TBC1D4: variants seen among roughly 807,000 people sequenced by gnomAD.
TBC1D4 encodes the protein TBC1 domain family member 4.
Under a neutral mutation model 142.5 loss-of-function variants are expected in TBC1D4, and 121 were observed. The observed-to-expected ratio is 0.85, with a 90% CI of 0.73 to 0.99. The LOEUF (loss-of-function observed/expected upper bound fraction) is 0.99, where lower values mean the gene tolerates loss of function less well. TBC1D4 is among the 50% of genes least tolerant of loss of function. The pLI is 0.00. For synonymous variants in TBC1D4, 630 were observed against 628.2 expected (o/e 1.00, Z -0.04); for missense variants, 1,475 against 1,606.6 (o/e 0.92, Z 1.40).
intron 8 of TBC1D4, among the ~76,000 whole-genome samples, chr13:75,329,232 G>T (rs8002811): frequency 0.78 from 118,374 of 151,894 alleles, 48,053 homozygotes; most frequent in South Asian, 0.95. Flanking sequence ...GCAGCTGAGC[G>T]ACATATTTTA....
At position 75,324,213 on chromosome 13, in the gene TBC1D4, GCAAA is replaced by G. The variant is rs1566378519; in HGVS notation, c.2198+20_2198+23del. 1 of 1,613,330 alleles carries G rather than the reference GCAAA, an allele frequency of 6.2e-7. No homozygotes were observed. Among genetic ancestry groups the G allele is most frequent in the Non-Finnish European group, 8.5e-7 (1 of 1,179,452 alleles). On this transcript the variant is annotated intron_variant, in intron 11 of 20. Coordinates refer to ENST00000377636, the MANE Select transcript of TBC1D4 (RefSeq NM_014832.5). ...ATATCACTGCAGAAAATTTTGCTTT[GCAAA>G]CAGAGGACACTGATCTCACCTGATT...
At chr13:75,363,987 G>C (rs888652744) in intron 1 of TBC1D4, among the ~76,000 whole-genome samples, 5 of 152,170 alleles carry the variant, frequency 3.3e-5, no homozygotes, top group Non-Finnish European at 7.3e-5. Context: ...GCTACAGCTT[G>C]GTTTTCTACA....
intron 1 of TBC1D4, among the ~76,000 whole-genome samples, chr13:75,470,380 C>T (rs1888349928): frequency 6.6e-6 from 1 of 152,100 alleles, no homozygotes; most frequent in African/African-American, 2.4e-5. Flanking sequence ...GTGTGGGCAC[C>T]AGACTGGCAG....
chr13:75,471,413 C>T (rs1294133661), intron 1 of TBC1D4, among the ~76,000 whole-genome samples: 2 of 152,232 alleles, frequency 1.3e-5, no homozygotes, highest in African/African-American at 2.4e-5. Context: ...TACACCACCA[C>T]CTGTTTTCAT....
At position 75,340,505 on chromosome 13, in the gene TBC1D4, A is replaced by G. The variant is rs189817255; in HGVS notation, c.1611+620T>C. On this transcript the variant is annotated intron_variant, in intron 7 of 20. Transcript: ENST00000377636. ...TGTTCATATGAATTGGAAATAAAAT[A>G]ATAGATTAATATAACTAAAAATAAT... Among the ~76,000 whole-genome samples the G allele has an allele frequency of 8.9e-4, 136 of 152,364 alleles. 2 individuals carry two copies. The highest frequency in any genetic ancestry group is 1.3e-4 in the Non-Finnish European group (9 of 68,038).
At chr13:75,396,352 A>C (rs564433292) in intron 1 of TBC1D4, among the ~76,000 whole-genome samples, 1 of 152,344 alleles carries the variant, frequency 6.6e-6, no homozygotes, top group African/African-American at 2.4e-5. Context: ...CCACTAGCCA[A>C]AGGCCTAAAA....
At chr13:75,428,425 T>C (rs1333005476) in intron 1 of TBC1D4, among the ~76,000 whole-genome samples, 1 of 152,224 alleles carries the variant, frequency 6.6e-6, no homozygotes. Context: ...TTGTTAGTCA[T>C]ATTTGGATTA....
intron 1 of TBC1D4, among the ~76,000 whole-genome samples, chr13:75,388,795 T>C (rs1424105185): frequency 6.6e-6 from 1 of 152,198 alleles, no homozygotes; most frequent in Non-Finnish European, 1.5e-5. Context: ...CTTCCACATG[T>C]CCACAGTAAT....
At chr13:75,322,254 T>A (rs573963474) in intron 11 of TBC1D4, among the ~76,000 whole-genome samples, 1 of 152,332 alleles carries the variant, frequency 6.6e-6, no homozygotes, top group South Asian at 2.1e-4. Context: ...CTCTGATTTT[T>A]AGAATTGCAC....
chr13:75,296,901 T>A (rs1875986004), intron 17 of TBC1D4, among the ~76,000 whole-genome samples: 1 of 152,154 alleles, frequency 6.6e-6, no homozygotes, highest in South Asian at 2.1e-4. Context: ...ATAAGGTAAC[T>A]GAAGCCTGGA....
At chr13:75,474,324 C>G (rs1258194155) in intron 1 of TBC1D4, among the ~76,000 whole-genome samples, 1 of 152,212 alleles carries the variant, frequency 6.6e-6, no homozygotes, top group Non-Finnish European at 1.5e-5. Flanking sequence ...CTTTGGGAGG[C>G]CTATGCGGGC....
At chr13:75,404,074 A>C (rs1432169981) in intron 1 of TBC1D4, among the ~76,000 whole-genome samples, 1 of 152,018 alleles carries the variant, frequency 6.6e-6, no homozygotes, top group East Asian at 1.9e-4. Context: ...ACACACACAC[A>C]CACACACACA....
chr13:75,362,534 T>C lies in TBC1D4; in HGVS notation c.572A>G (p.Asp191Gly). 1 of 1,614,246 alleles carries C rather than the reference T, an allele frequency of 6.2e-7. No homozygotes were observed. Among genetic ancestry groups the C allele is most frequent in the Non-Finnish European group, 8.5e-7 (1 of 1,180,042 alleles). The change falls in exon 2 of 21, where the codon GAT becomes GGT. Residue 191 changes from aspartate (D) to glycine (G), a missense_variant. Physicochemically the swap from Asp to Gly is moderately conservative, Grantham distance 94 (BLOSUM62 -1). This residue lies in a region of TBC1D4 where 1,227 missense variants were observed against 1,267.7 expected (regional missense o/e 0.97). Coordinates refer to ENST00000377636, the MANE Select transcript of TBC1D4 (RefSeq NM_014832.5). This position sits in a 1 kb window ranked among gnomAD's most constrained non-coding sequence, Gnocchi z 4.2. ...AMKEDAKPSK[D>G]NEDAFYNSQK... ...AGAGTTGTAAAAGGCGTCCTCATTA[T>C]CTTTGCTGGGTTTGGCATCCTCTTT...
chr13:75,313,867 A>T (rs1878029009), intron 12 of TBC1D4, among the ~76,000 whole-genome samples: 2 of 152,210 alleles, frequency 1.3e-5, no homozygotes, highest in Non-Finnish European at 2.9e-5. Flanking sequence ...AGTACTTGTT[A>T]GAGACTGTTA....
intron 1 of TBC1D4, among the ~76,000 whole-genome samples, chr13:75,411,521 T>C (rs1330971753): frequency 1.3e-5 from 2 of 152,096 alleles, no homozygotes; most frequent in Non-Finnish European, 2.9e-5. Context: ...AACTACGGGA[T>C]GCACACAGAG....
Position 75,481,448 on chromosome 13 carries a change from G to A in TBC1D4, c.320C>T (p.Pro107Leu), listed in dbSNP as rs375044820. Residue 107 changes from proline to leucine, a missense_variant, in exon 1 of 21, where the codon CCG (proline) becomes CTG (leucine). By Grantham distance (98) the Pro-to-Leu change is moderately conservative. Around this residue, in one of 2 missense-constraint regions of TBC1D4, gnomAD observed 1,227 missense variants for 1,267.7 expected, o/e 0.97. Transcript: ENST00000377636. ...PGAGASGGTSPSATQPNPAVF... is the reference protein window; with the variant it reads ...PGAGASGGTSLSATQPNPAVF... The stretch of plus-strand genomic sequence containing the variant: ...CGCCGGGTTGGGCTGCGTGGCCGAC[G>A]GACTAGTGCCCCCCGAGGCCCCAGC... 1.1e-5 allele frequency: 18 copies of A among 1,613,788 alleles called. No homozygotes were observed. Among genetic ancestry groups the A allele is most frequent in the Middle Eastern group, 1.6e-4 (1 of 6,062 alleles).
chr13:75,420,928 G>C (rs1028348230), intron 1 of TBC1D4, among the ~76,000 whole-genome samples: 9 of 152,100 alleles, frequency 5.9e-5, no homozygotes, highest in African/African-American at 2.2e-4. Context: ...AAAAGACCAA[G>C]CAGTTATAAA....
At chr13:75,374,429 G>A (rs1883387691) in intron 1 of TBC1D4, among the ~76,000 whole-genome samples, 1 of 152,040 alleles carries the variant, frequency 6.6e-6, no homozygotes, top group Non-Finnish European at 1.5e-5. Flanking sequence ...CCTTAGAGAA[G>A]CGCTCACCTT....
chr13:75,294,548 C>G (rs1299751039), intron 18 of TBC1D4, among the ~76,000 whole-genome samples: 1 of 152,154 alleles, frequency 6.6e-6, no homozygotes, highest in Non-Finnish European at 1.5e-5. Flanking sequence ...CACAGTCTGT[C>G]CCTAGTCCAG....
Sources: allele counts gnomAD v4.1 joint callset (sites outside exome capture counted in the v4.1 genomes callset), GRCh38; gene constraint gnomAD v4.1.1; regional missense constraint gnomAD v4.1.1; non-coding constraint Gnocchi (gnomAD v3.1); transcripts MANE v1.5; gene names NCBI Gene and HGNC (gene_info 2026-07-23, HGNC 2026-07-21).